Variants in TBC1D21 observed in about 807,000 individuals in gnomAD.
The protein encoded by TBC1D21 is TBC1 domain family member 21, also known as male germ cell Rab GTPase-activating protein.
A neutral mutation model predicts 46.0 loss-of-function variants in TBC1D21; 38 were observed. The ratio of observed to expected loss-of-function variants is 0.83; its 90% confidence interval spans 0.64 to 1.08. The LOEUF (loss-of-function observed/expected upper bound fraction) is 1.08. Among genes scored for constraint, TBC1D21 ranks in the 50% least tolerant of loss-of-function variants. The pLI is 0.00. For missense variants in TBC1D21, 415 were observed against 417.9 expected (o/e 0.99, Z 0.06); for synonymous variants, 151 against 157.2 (o/e 0.96, Z 0.29).
chr15:73,908,000 C>G, the TBC1D21 span: 1 of 152,204 alleles, frequency 6.6e-6, no homozygotes, highest in South Asian at 2.1e-4. Flanking sequence ...CTTTACCTAT[C>G]AAACAGTAGA....
chr15:73,906,296 G>T, the TBC1D21 span, among the ~76,000 whole-genome samples: 1 of 152,216 alleles, frequency 6.6e-6, no homozygotes. Context: ...AGTGGGAGAC[G>T]TATGTGGGAG....
intron 9 of TBC1D21, among the ~76,000 whole-genome samples, 167 bp downstream of exon 9, chr15:73,887,903 G>C (rs1349461582): frequency 3.3e-5 from 5 of 152,208 alleles, no homozygotes; most frequent in Non-Finnish European, 4.4e-5. Context: ...CCGTGCCAAG[G>C]GCTTTTAATA....
At chr15:73,888,968 CT>C in intron 10 of TBC1D21, 100 bp from the exon 11 acceptor site, 1 of 1,433,780 alleles carries the variant, frequency 7.0e-7, no homozygotes, top group Admixed American at 1.9e-5. Flanking sequence ...CCCAGTGGGT[CT>C]GGGCACCCAG....
intron 1 of TBC1D21, among the ~76,000 whole-genome samples, chr15:73,876,235 T>TG (rs2068064887): frequency 4.3e-5 from 5 of 116,956 alleles, no homozygotes; most frequent in African/African-American, 1.8e-4. Flanking sequence ...TTTTTTTTTT[T>TG]TTTTTTTTTT....
intron 3 of TBC1D21, among the ~76,000 whole-genome samples, chr15:73,882,772 T>C (rs753588553): frequency 1.6e-4 from 24 of 152,188 alleles, no homozygotes; most frequent in Non-Finnish European, 3.5e-4. Flanking sequence ...ATAATACAGG[T>C]AAGGCACCTT....
At chr15:73,901,306 C>T in the TBC1D21 span, among the ~76,000 whole-genome samples, 1 of 152,334 alleles carries the variant, frequency 6.6e-6, no homozygotes, top group South Asian at 2.1e-4. Context: ...GCCAGGCTCT[C>T]TTGCCTCAAT....
At chr15:73,879,984 C>T (rs28568354) in intron 1 of TBC1D21, among the ~76,000 whole-genome samples, 1,723 of 150,514 alleles carry the variant, frequency 0.011, 22 homozygotes, top group African/African-American at 0.04. Flanking sequence ...GCAACCTCTG[C>T]CTACCGGGTT....
chr15:73,873,829 C>G, intron 1 of TBC1D21, 60 bp downstream of exon 1: 1 of 1,559,750 alleles, frequency 6.4e-7, no homozygotes, highest in Non-Finnish European at 8.8e-7. Flanking sequence ...GGCACTGGGA[C>G]CATTTTCCCC....
At chr15:73,877,742 G>A (rs916217998) in intron 1 of TBC1D21, among the ~76,000 whole-genome samples, 8 of 152,164 alleles carry the variant, frequency 5.3e-5, no homozygotes, top group Non-Finnish European at 1.2e-4. Context: ...CTTATCCCAG[G>A]AATGTGAGGC....
At chr15:73,900,067 T>C in the TBC1D21 span, among the ~76,000 whole-genome samples, 1 of 152,174 alleles carries the variant, frequency 6.6e-6, no homozygotes, top group Non-Finnish European at 1.5e-5. Flanking sequence ...TCTGGCGATG[T>C]GACTGTGAGT....
intron 6 of TBC1D21, among the ~76,000 whole-genome samples, chr15:73,885,559 T>C (rs2068229568): frequency 6.6e-6 from 1 of 152,000 alleles, no homozygotes; most frequent in African/African-American, 2.4e-5. Flanking sequence ...AGGGGCTCCC[T>C]CACTGTCCAA....
Position 73,884,170 on chromosome 15 carries a change from T to C in TBC1D21, c.292T>C (p.Cys98Arg), listed in dbSNP as rs1160621703. The stretch of plus-strand genomic sequence containing the variant: ...TCACAGGAAGAACTACAAGGCCTTA[T>C]GCCAAATGTATGAGAAGATTCAGCC... Reference protein sequence around the residue: ...SMRRKNYKALCQMYEKIQPLL... With the variant: ...SMRRKNYKALRQMYEKIQPLL... The change falls in exon 4 of 11, where the codon TGC becomes CGC. Residue 98 changes from cysteine to arginine, a missense_variant. Cys to Arg is a radical substitution (Grantham distance 180). Transcript: ENST00000300504. 2.5e-6 allele frequency: 4 copies of C among 1,614,076 alleles called. No homozygotes were observed. The highest frequency in any genetic ancestry group is 1.1e-5 in the South Asian group (1 of 91,088).
the TBC1D21 span, among the ~76,000 whole-genome samples, chr15:73,905,060 C>T: frequency 1.3e-5 from 2 of 152,216 alleles, no homozygotes; most frequent in Non-Finnish European, 2.9e-5. Flanking sequence ...CAGGAGGGTG[C>T]AGCCCAGGCC....
chr15:73,890,601 G>A (rs1288474406), downstream of TBC1D21, among the ~76,000 whole-genome samples: 1 of 152,138 alleles, frequency 6.6e-6, no homozygotes, highest in Non-Finnish European at 1.5e-5. Context: ...TTTGGCCTTG[G>A]GAAGAGAACA....
chr15:73,888,885 T>C (rs116310148), intron 10 of TBC1D21, among the ~76,000 whole-genome samples, 184 bp from the exon 11 acceptor site: 1,973 of 152,322 alleles, frequency 0.013, 33 homozygotes, highest in African/African-American at 0.045. Context: ...TGTTTGCACA[T>C]GTAGCTCCTT....
chr15:73,904,056 A>G, the TBC1D21 span, among the ~76,000 whole-genome samples: 1 of 151,848 alleles, frequency 6.6e-6, no homozygotes, highest in African/African-American at 2.4e-5. Flanking sequence ...TCAAAAAAAT[A>G]TATATATATA....
In TBC1D21 at chr15:73,887,604, A is replaced by C. The variant is rs751788073; in HGVS notation, c.778-16A>C. The C allele has an allele frequency of 8.7e-6, 14 of 1,611,306 alleles. No individual in the cohort carries two copies. Among genetic ancestry groups the C allele is most frequent in the Non-Finnish European group, 1.2e-5 (14 of 1,177,754 alleles). ...CTCAGACCACAGGGCCCAGACTGAG[A>C]CGTCCTGACCCACAGGTTCTGCTGA... On this transcript the variant is annotated splice_polypyrimidine_tract_variant and intron_variant, in intron 8 of 10. Coordinates refer to ENST00000300504, the MANE Select transcript of TBC1D21 (RefSeq NM_153356.3).
At chr15:73,905,084 C>T in the TBC1D21 span, among the ~76,000 whole-genome samples, 20 of 152,290 alleles carry the variant, frequency 1.3e-4, no homozygotes, top group Middle Eastern at 3.4e-3. Context: ...CTGGGGCCCA[C>T]GGTGCATGAG....
intron 1 of TBC1D21, among the ~76,000 whole-genome samples, chr15:73,880,330 C>CACACACT (rs1320450195): frequency 3.0e-5 from 2 of 67,026 alleles, no homozygotes; most frequent in South Asian, 1.1e-3. Context: ...ACACACACAC[C>CACACACT]CTTATCAAAA....
Sources: gnomAD v4.1 joint callset for allele counts (sites outside exome capture counted in the v4.1 genomes callset) on GRCh38, gnomAD v4.1.1 for gene constraint, MANE v1.5 for transcripts, NCBI Gene and HGNC (gene_info 2026-07-23, HGNC 2026-07-21) for gene names.